PRKCB: variants seen among roughly 807,000 people sequenced by gnomAD.
PRKCB encodes protein kinase C beta, also known as protein kinase C beta type.
A neutral mutation model predicts 81.5 loss-of-function variants in PRKCB; 13 were observed. The ratio of observed to expected loss-of-function variants is 0.16; its 90% CI spans 0.10 to 0.25. The LOEUF (loss-of-function observed/expected upper bound fraction) is 0.25, where lower values mean the gene tolerates loss of function less well. PRKCB is among the 10% of genes least tolerant of loss of function. The probability of loss-of-function intolerance (pLI) is 1.00; values close to 1 mark genes in which losing one functional copy is unlikely to be tolerated. For missense variants in PRKCB, 509 were observed against 875.7 expected (o/e 0.58, Z 5.29); for synonymous variants, 335 against 321.4 (o/e 1.04, Z -0.45).
chr16:24,109,138 G>A (rs1966630580), intron 7 of PRKCB, among the ~76,000 whole-genome samples: 2 of 144,024 alleles, frequency 1.4e-5, no homozygotes, highest in South Asian at 2.2e-4. Flanking sequence ...CCCGGACGGG[G>A]CGGCTGGCCG....
intron 3 of PRKCB, among the ~76,000 whole-genome samples, chr16:24,009,285 C>G (rs900334481): frequency 1.3e-5 from 2 of 152,080 alleles, no homozygotes; most frequent in African/African-American, 4.8e-5. Flanking sequence ...GGGCTAAGGA[C>G]TTGAATAGGC....
chr16:23,839,557 G>A (rs1322022427), intron 2 of PRKCB, among the ~76,000 whole-genome samples: 2 of 152,176 alleles, frequency 1.3e-5, no homozygotes, highest in African/African-American at 4.8e-5. Context: ...ATAGGTGTGA[G>A]CCACTATGCC....
At chr16:24,124,053 T>C in intron 9 of PRKCB, 72 bp downstream of exon 9, 2 of 1,566,402 alleles carry the variant, frequency 1.3e-6, no homozygotes, top group Non-Finnish European at 1.8e-6. Flanking sequence ...TTGCTGTTCC[T>C]ATGGGACGGA....
chr16:23,965,334 T>A (rs1352620746), intron 2 of PRKCB, among the ~76,000 whole-genome samples: 18 of 152,244 alleles, frequency 1.2e-4, no homozygotes. Context: ...TCATTCTTTT[T>A]TATGCCTGCA....
chr16:24,044,192 T>TA (rs1011311465), intron 5 of PRKCB, among the ~76,000 whole-genome samples: 6 of 151,786 alleles, frequency 4.0e-5, no homozygotes, highest in African/African-American at 7.3e-5. Context: ...CCGTCTCTAC[T>TA]AAAAAAAATC....
chr16:23,936,619 G>A (rs1238847290), intron 2 of PRKCB, among the ~76,000 whole-genome samples: 1 of 129,648 alleles, frequency 7.7e-6, no homozygotes, highest in Non-Finnish European at 1.6e-5. Flanking sequence ...TTTTGGTAGA[G>A]ACAGAGTTTC....
At chr16:24,001,082 T>G (rs1047973440) in intron 3 of PRKCB, among the ~76,000 whole-genome samples, 2 of 152,102 alleles carry the variant, frequency 1.3e-5, no homozygotes, top group Non-Finnish European at 2.9e-5. Context: ...TACCTGGTTT[T>G]AAAATCATTA....
intron 3 of PRKCB, among the ~76,000 whole-genome samples, chr16:24,022,840 CT>C (rs1965423710): frequency 6.6e-6 from 1 of 152,132 alleles, no homozygotes; most frequent in South Asian, 2.1e-4. Context: ...ATATAGTAAA[CT>C]TATTTGGATT....
chr16:24,140,860 C>A (rs1966892015), intron 9 of PRKCB, among the ~76,000 whole-genome samples: 1 of 152,132 alleles, frequency 6.6e-6, no homozygotes, highest in African/African-American at 2.4e-5. Context: ...ATTAGTTTTA[C>A]AAAGGCAGTT....
At chr16:23,928,231 T>G (rs1245847617) in intron 2 of PRKCB, among the ~76,000 whole-genome samples, 1 of 151,826 alleles carries the variant, frequency 6.6e-6, no homozygotes, top group African/African-American at 2.4e-5. Flanking sequence ...GTTCAAGCAA[T>G]TCTCCTGCCT....
intron 2 of PRKCB, among the ~76,000 whole-genome samples, chr16:23,930,130 G>A (rs557783603): frequency 6.6e-6 from 1 of 152,198 alleles, no homozygotes; most frequent in South Asian, 2.1e-4. Flanking sequence ...CTTTAATCTG[G>A]GGGAAGATAA....
intron 2 of PRKCB, among the ~76,000 whole-genome samples, chr16:23,953,418 C>T (rs150552506): frequency 2.3e-3 from 353 of 152,344 alleles, no homozygotes; most frequent in African/African-American, 8.1e-3. Flanking sequence ...GGCATCAGCT[C>T]TGCAGTTGGC....
chr16:23,890,294 C>A (rs912696971), intron 2 of PRKCB, among the ~76,000 whole-genome samples: 2 of 152,194 alleles, frequency 1.3e-5, no homozygotes, highest in Non-Finnish European at 2.9e-5. Flanking sequence ...TACCCTTAGT[C>A]AATTGTAAGA....
At chr16:24,127,448 T>A (rs1408896883) in intron 9 of PRKCB, among the ~76,000 whole-genome samples, 1 of 152,226 alleles carries the variant, frequency 6.6e-6, no homozygotes, top group Non-Finnish European at 1.5e-5. Flanking sequence ...ATGTGAACAC[T>A]TTTATTCAGT....
intron 10 of PRKCB, among the ~76,000 whole-genome samples, chr16:24,155,553 T>C (rs1190296463): frequency 6.6e-6 from 1 of 152,190 alleles, no homozygotes; most frequent in East Asian, 1.9e-4. Flanking sequence ...CAAAGTTAAT[T>C]GATGCCTTTT....
rs1402912532 is a variant in PRKCB, at chr16:23,875,769, ACACATATATGTG to A, written c.205+38364_205+38375del. ...TATCACACATATATGTATGTATATCACACATATATGTGTGTATATCACACATATATGTGTGTA... is the reference window on the plus strand; with the variant it reads ...TATCACACATATATGTATGTATATCATGTATATCACACATATATGTGTGTA... On this transcript the variant is annotated intron_variant, in intron 2 of 16. Coordinates refer to ENST00000643927, the MANE Select transcript of PRKCB (RefSeq NM_002738.7). Among the ~76,000 whole-genome samples, 7 of 119,158 alleles carry A rather than the reference ACACATATATGTG, an allele frequency of 5.9e-5. 2 individuals are homozygous for A. Among genetic ancestry groups the A allele is most frequent in the East Asian group, 5.0e-4 (2 of 3,986 alleles). The allele number at this position is 119,158 out of a possible 152,430, so 78.2% of individuals were successfully genotyped here.
rs116646891 is a variant in PRKCB, at chr16:23,927,581, C to T, written c.206-60927C>T. 4.1e-3 allele frequency among the ~76,000 whole-genome samples: 623 copies of T among 152,062 alleles called. 2 individuals are homozygous for T. The highest frequency in any genetic ancestry group is 0.015 in the African/African-American group (602 of 41,506). On this transcript the variant is annotated intron_variant, in intron 2 of 16. Coordinates refer to ENST00000643927, the MANE Select transcript of PRKCB (RefSeq NM_002738.7). ...ACAGTGACAAGGCTGGAGGAAGGAT[C>T]TTGGGTTAGGAGGCGGTGGTAGTAA... is the stretch of plus-strand genomic sequence containing the variant.
chr16:23,861,496 G>T (rs1157269581), intron 2 of PRKCB, among the ~76,000 whole-genome samples: 1 of 152,188 alleles, frequency 6.6e-6, no homozygotes, highest in African/African-American at 2.4e-5. Flanking sequence ...AGAATATCTG[G>T]CGAGCCTAAC....
intron 3 of PRKCB, among the ~76,000 whole-genome samples, chr16:23,993,116 C>G (rs4788175): frequency 0.82 from 124,851 of 152,074 alleles, 52,056 homozygotes; most frequent in East Asian, 0.97. Context: ...GGCTCCTAAA[C>G]GTGAGATGCA....
Sources: allele counts gnomAD v4.1 joint callset (sites outside exome capture counted in the v4.1 genomes callset), GRCh38; gene constraint gnomAD v4.1.1; transcripts MANE v1.5; gene names NCBI Gene and HGNC (gene_info 2026-07-23, HGNC 2026-07-21).